Variants in TSC22D1 observed in about 807,000 individuals in gnomAD.
The protein encoded by TSC22D1 is TSC22 domain family protein 1.
TSC22D1 carries 9 observed loss-of-function variants against 74.2 expected under a neutral mutation model. That is an observed-to-expected ratio of 0.12 (90% CI 0.07 to 0.21). The LOEUF is 0.21. TSC22D1 is among the 10% of genes least tolerant of loss of function. The pLI is 1.00. For synonymous variants in TSC22D1, 586 were observed against 492.5 expected (o/e 1.19, Z -2.51); for missense variants, 1,427 against 1,304.7 (o/e 1.09, Z -1.44).
intron 1 of TSC22D1, among the ~76,000 whole-genome samples, chr13:44,568,042 T>C (rs1411993200): frequency 1.3e-5 from 2 of 152,210 alleles, no homozygotes; most frequent in Non-Finnish European, 2.9e-5. Flanking sequence ...CAGAATGGCT[T>C]CAGATTTCTC....
At chr13:44,436,215 C>CTA in intron 1 of TSC22D1, 120 bp from the exon 2 acceptor site, 1 of 1,173,468 alleles carries the variant, frequency 8.5e-7, no homozygotes, top group Non-Finnish European at 1.2e-6. Context: ...TTATTTAACA[C>CTA]TATGTAATGT....
chr13:44,516,529 G>A (rs1879992738), intron 1 of TSC22D1, among the ~76,000 whole-genome samples: 1 of 152,000 alleles, frequency 6.6e-6, no homozygotes, highest in South Asian at 2.1e-4. Flanking sequence ...AGACACCCAG[G>A]CCATTTTCAA....
At chr13:44,501,120 T>TA (rs1879203954) in intron 1 of TSC22D1, among the ~76,000 whole-genome samples, 1 of 152,180 alleles carries the variant, frequency 6.6e-6, no homozygotes, top group Admixed American at 6.5e-5. Flanking sequence ...CCGAAAAGAA[T>TA]AGTGATTTGG....
At chr13:44,505,409 C>T (rs1879402006) in intron 1 of TSC22D1, among the ~76,000 whole-genome samples, 1 of 152,064 alleles carries the variant, frequency 6.6e-6, no homozygotes, top group African/African-American at 2.4e-5. Context: ...AAAAAATTAG[C>T]CAGGCGTGGT....
chr13:44,490,669 G>A lies in TSC22D1; in HGVS notation c.2913-54574C>T, dbSNP rs1294835159. ...TCCCAGCACTCTGAGAGACCGAGGCGGGCAGATCATCTGAGGTCGGGAGTT... is the reference window on the plus strand; with the variant it reads ...TCCCAGCACTCTGAGAGACCGAGGCAGGCAGATCATCTGAGGTCGGGAGTT... On this transcript the variant is annotated intron_variant, in intron 1 of 2. Transcript: ENST00000458659. Among the ~76,000 whole-genome samples, 12 of 152,048 alleles carry A rather than the reference G, an allele frequency of 7.9e-5. No individual in the cohort carries two copies. The East Asian group carries it at 1.6e-3, about 20-fold the overall frequency.
At chr13:44,511,460 C>CG (rs1477951826) in intron 1 of TSC22D1, among the ~76,000 whole-genome samples, 1 of 152,144 alleles carries the variant, frequency 6.6e-6, no homozygotes, top group Admixed American at 6.5e-5. Flanking sequence ...ACCCAGCTGT[C>CG]TATCATCTCA....
chr13:44,562,624 TG>T (rs1883121058), intron 1 of TSC22D1, among the ~76,000 whole-genome samples: 1 of 152,196 alleles, frequency 6.6e-6, no homozygotes, highest in Non-Finnish European at 1.5e-5. Context: ...CTCTACTGCC[TG>T]GAAGAGACTG....
chr13:44,465,448 G>T (rs1566125740), intron 1 of TSC22D1, among the ~76,000 whole-genome samples: 1 of 152,230 alleles, frequency 6.6e-6, no homozygotes. Context: ...TCAGAATCAT[G>T]TAGGAAGCTT....
rs71070905 is a variant in TSC22D1 at position 44,444,278 on chromosome 13, C to CAAAAAAAAAAAAAAA, written c.2913-8198_2913-8184dup. 5.5e-3 allele frequency among the ~76,000 whole-genome samples: 96 copies of CAAAAAAAAAAAAAAA among 17,612 alleles called. 4 individuals carry two copies. The highest frequency in any genetic ancestry group is 8.0e-3 in the Admixed American group (7 of 880). 11.6% of individuals were successfully genotyped at this position (17,612 alleles called of 152,430 possible). A position where few individuals can be genotyped will look rare whatever the true frequency, so the allele number is the denominator to read the frequency against. On this transcript the variant is annotated intron_variant, in intron 1 of 2. Transcript: ENST00000458659. ...TGGGGAACAGAGCAAGACTCTGTCT[C>CAAAAAAAAAAAAAAA]AAAAAAAAAAAAAAAAAAAAAAAAA...
intron 1 of TSC22D1, among the ~76,000 whole-genome samples, chr13:44,562,892 G>C (rs1001573691): frequency 6.6e-6 from 1 of 152,110 alleles, no homozygotes; most frequent in Non-Finnish European, 1.5e-5. Flanking sequence ...GATCACCTGA[G>C]GTCAGGAGTT....
At chr13:44,460,989 T>C (rs2138949288) in intron 1 of TSC22D1, among the ~76,000 whole-genome samples, 1 of 152,346 alleles carries the variant, frequency 6.6e-6, no homozygotes, top group South Asian at 2.1e-4. Context: ...AGAACAGAGA[T>C]GTTTTCAGAT....
intron 1 of TSC22D1, among the ~76,000 whole-genome samples, chr13:44,511,525 C>G (rs2138011216): frequency 6.6e-6 from 1 of 152,180 alleles, no homozygotes; most frequent in African/African-American, 2.4e-5. Context: ...TCGCTAACAT[C>G]TGGCATATAA....
chr13:44,500,981 T>C (rs1173251221), intron 1 of TSC22D1, among the ~76,000 whole-genome samples: 1 of 152,174 alleles, frequency 6.6e-6, no homozygotes, highest in Non-Finnish European at 1.5e-5. Context: ...CAACTATGTG[T>C]GGTCCAACTG....
At chr13:44,536,733 CAA>C (rs1235804334) in intron 1 of TSC22D1, 6 of 983,950 alleles carry the variant, frequency 6.1e-6, no homozygotes, top group Non-Finnish European at 7.2e-6. Flanking sequence ...AGTATTAACT[CAA>C]GAGAGTTTTA....
intron 1 of TSC22D1, among the ~76,000 whole-genome samples, chr13:44,572,789 AC>A (rs1013531152): frequency 2.0e-5 from 3 of 152,292 alleles, no homozygotes; most frequent in African/African-American, 4.8e-5. Flanking sequence ...GGGAACCACA[AC>A]CCCCCAAGAG....
intron 1 of TSC22D1, among the ~76,000 whole-genome samples, chr13:44,458,656 T>TA (rs371114410): frequency 2.6e-5 from 4 of 152,166 alleles, no homozygotes; most frequent in African/African-American, 9.6e-5. Context: ...GAAGCCCCAC[T>TA]TCCCCCACAG....
At chr13:44,441,874 G>GC (rs1875232126) in intron 1 of TSC22D1, among the ~76,000 whole-genome samples, 1 of 152,120 alleles carries the variant, frequency 6.6e-6, no homozygotes, top group East Asian at 1.9e-4. Flanking sequence ...TAGCACACCT[G>GC]CATGTGAGGA....
chr13:44,533,752 C>T (rs1203162032), intron 1 of TSC22D1, among the ~76,000 whole-genome samples: 2 of 152,186 alleles, frequency 1.3e-5, no homozygotes, highest in Non-Finnish European at 1.5e-5. Flanking sequence ...CATGGCACTC[C>T]AGCCTGGGCA....
At position 44,517,857 on chromosome 13, in the gene TSC22D1, A is replaced by AT. The variant is rs71070912; in HGVS notation, c.2912+55305dup. 4.1e-3 allele frequency among the ~76,000 whole-genome samples: 66 copies of AT among 16,176 alleles called. 8 individuals carry two copies. The highest frequency in any genetic ancestry group is 7.8e-3 in the African/African-American group (43 of 5,496). The allele number at this position is 16,176 out of a possible 152,430, so 10.6% of individuals were successfully genotyped here. A position where few individuals can be genotyped will look rare whatever the true frequency, so the allele number is the denominator to read the frequency against. On this transcript the variant is annotated intron_variant, in intron 1 of 2. Coordinates refer to ENST00000458659, the MANE Select transcript of TSC22D1 (RefSeq NM_183422.4). Reference sequence around the variant, plus strand: ...TATATATATATATATATATATATATATTTTTTTTTTTTTTTTTTTTTTAAC... The same window carrying AT: ...TATATATATATATATATATATATATATTTTTTTTTTTTTTTTTTTTTTTAAC...
Sources: allele counts gnomAD v4.1 joint callset (sites outside exome capture counted in the v4.1 genomes callset), GRCh38; gene constraint gnomAD v4.1.1; transcripts MANE v1.5; gene names NCBI Gene and HGNC (gene_info 2026-07-23, HGNC 2026-07-21).